Variants in NAGK observed in about 807,000 individuals in gnomAD.
NAGK encodes N-acetyl-D-glucosamine kinase.
NAGK carries 35 observed loss-of-function variants against 42.9 expected under a neutral mutation model. The ratio of observed to expected loss-of-function variants is 0.82; its 90% CI spans 0.62 to 1.08. NAGK has a LOEUF of 1.08. Among genes scored for constraint, NAGK ranks in the 50% least tolerant of loss-of-function variants. The pLI is 0.00. For missense variants in NAGK, 446 were observed against 446.0 expected (o/e 1.00, Z 0.00); for synonymous variants, 172 against 176.0 (o/e 0.98, Z 0.18).
At chr2:71,068,568 A>G (rs1347759745), upstream of NAGK, 10 of 1,517,086 alleles carry the variant, frequency 6.6e-6, no homozygotes, top group Non-Finnish European at 8.8e-6. Flanking sequence ...ACAGGGAGTC[A>G]GCTGGCTGCG....
At position 71,071,764 on chromosome 2, in the gene NAGK, C is replaced by T. The variant is rs1284613059; in HGVS notation, c.292C>T (p.Leu98=). The T allele has an allele frequency of 6.2e-7, 1 of 1,614,196 alleles. No homozygotes were observed. The highest frequency in any genetic ancestry group is 1.1e-5 in the South Asian group (1 of 91,088). The change falls in exon 4 of 10, where the codon CTG becomes TTG. Residue 98 remains leucine (L), a synonymous_variant. Transcript: ENST00000244204. ...GGAGCTGAGGGACCGATTTCCCTAC[C>T]TGAGTGAAAGCTACTTAATCACCAC... ...IEELRDRFPY[L]SESYLITTDA... is the part of the protein sequence containing the mutation.
In NAGK at chr2:71,077,591, CT is replaced by C; in HGVS notation, c.800del (p.Leu267ArgfsTer13). The C allele has an allele frequency of 6.2e-7, 1 of 1,609,716 alleles. No individual in the cohort carries two copies. Among genetic ancestry groups the C allele is most frequent in the Non-Finnish European group, 8.5e-7 (1 of 1,178,080 alleles). ...CCAGGGCAAGATTGGACTCCCCATC[CT>C]GTGCGTGGGCTCTGTGTGGAAGAGC... ...LFQGKIGLPI[L>X]CVGSVWKSWE... On this transcript the variant is annotated frameshift_variant, in exon 9 of 10. Coordinates refer to ENST00000244204, the MANE Select transcript of NAGK (RefSeq NM_017567.6). LOFTEE classifies it high-confidence loss of function.
upstream of NAGK, chr2:71,068,380 C>G (rs1050485873): frequency 1.1e-5 from 12 of 1,049,598 alleles, no homozygotes; most frequent in Admixed American, 3.9e-5. Flanking sequence ...AGATACCCCT[C>G]TTTGATTCCT....
Position 71,073,591 on chromosome 2 carries a change from C to G in NAGK, c.576C>G (p.Phe192Leu), listed in dbSNP as rs141245714. Residue 192 changes from phenylalanine (F) to leucine (L), a missense_variant, in exon 6 of 10, where the codon TTC (phenylalanine) becomes TTG (leucine). Transcript: ENST00000244204. ...GYVKQAMFHY[F>L]QVPDRLGILT... is the part of the protein sequence containing the mutation. Reference sequence around the variant, plus strand: ...TCAAACAGGCCATGTTCCACTATTTCCAGGTACTCCTCCTGCTCCCAGTAA... The same window carrying G: ...TCAAACAGGCCATGTTCCACTATTTGCAGGTACTCCTCCTGCTCCCAGTAA... The G allele has an allele frequency of 6.2e-6, 10 of 1,609,274 alleles. No homozygotes were observed. The highest frequency in any genetic ancestry group is 1.1e-5 in the South Asian group (1 of 90,968).
At chr2:71,072,946 C>T (rs1409396734) in intron 5 of NAGK, 195 bp downstream of exon 5, 3 of 644,910 alleles carry the variant, frequency 4.7e-6, no homozygotes. Flanking sequence ...TGACCCTGCT[C>T]TCCAGCAGTG....
intron 1 of NAGK, chr2:71,069,083 G>T: frequency 9.7e-7 from 1 of 1,030,642 alleles, no homozygotes; most frequent in Non-Finnish European, 1.2e-6. Context: ...CTGAGCGCGG[G>T]CAGGGTGGGG....
At chr2:71,068,493 A>T (rs1671863076), upstream of NAGK, 1 of 1,419,106 alleles carries the variant, frequency 7.0e-7, no homozygotes, top group African/African-American at 1.5e-5. Flanking sequence ...CAGAAGGAAG[A>T]CAGCCTGAGG....
Position 71,078,833 on chromosome 2 carries a change from T to C in NAGK, c.*325T>C, listed in dbSNP as rs1475791521. 3.1e-5 allele frequency: 8 copies of C among 260,938 alleles called. No homozygotes were observed. The Admixed American group carries it at 3.4e-4, about 11-fold the overall frequency. 16.2% of individuals were successfully genotyped at this position (260,938 alleles called of 1,614,324 possible). A position where few individuals can be genotyped will look rare whatever the true frequency, so the allele number is the denominator to read the frequency against. ...TCTGTGTGCTACCCTTCCCCCCATA[T>C]TACCATACATATGCACTGTGTGGCT... On this transcript the variant is annotated 3_prime_UTR_variant, in exon 10 of 10. Transcript: ENST00000244204.
Position 71,076,683 on chromosome 2 carries a change from G to A in NAGK, c.747G>A (p.Val249=). The A allele has an allele frequency of 6.2e-7, 1 of 1,613,840 alleles. No homozygotes were observed. Among genetic ancestry groups the A allele is most frequent in the Non-Finnish European group, 8.5e-7 (1 of 1,179,824 alleles). The change falls in exon 8 of 10, where the codon GTG becomes GTA. Residue 249 remains valine (V), a synonymous_variant. Transcript: ENST00000244204. ...GEMLGRHIVA[V]LPEIDPVLFQ... Reference sequence around the variant, plus strand: ...TGCTGGGCAGACACATCGTAGCAGTGTTGCCCGAGATTGACCCGGTGAGTT... The same window carrying A: ...TGCTGGGCAGACACATCGTAGCAGTATTGCCCGAGATTGACCCGGTGAGTT...
chr2:71,071,562 G>A (rs1169140347), intron 3 of NAGK, 124 bp from the exon 4 acceptor site: 1 of 1,327,770 alleles, frequency 7.5e-7, no homozygotes, highest in East Asian at 2.6e-5. Context: ...AGGAGGACTG[G>A]GGCTGGGTGA....
chr2:71,068,606 C>T, upstream of NAGK: 1 of 1,524,010 alleles, frequency 6.6e-7, no homozygotes, highest in African/African-American at 1.4e-5. Flanking sequence ...TGGGGCGGTG[C>T]CCAGACAGCT....
intron 4 of NAGK, chr2:71,072,300 T>G: frequency 3.2e-6 from 1 of 313,348 alleles, no homozygotes; most frequent in Non-Finnish European, 6.1e-6. Flanking sequence ...TGGTTTAGGG[T>G]ATGAGTGAAT....
At chr2:71,073,420 T>A in intron 5 of NAGK, 62 bp from the exon 6 acceptor site, 1 of 1,197,618 alleles carries the variant, frequency 8.3e-7, no homozygotes, top group Non-Finnish European at 1.2e-6. Context: ...GGATCTGAGT[T>A]TCCCTCCTCG....
rs575169200 is a variant in NAGK at position 71,068,854 on chromosome 2, G to T, written c.29+142G>T. ...TTGCGGTGAAGAGGTGTGTGCACGCGCAGGGGCGCCCTGGAGCGCACAGCT... is the reference window on the plus strand; with the variant it reads ...TTGCGGTGAAGAGGTGTGTGCACGCTCAGGGGCGCCCTGGAGCGCACAGCT... On this transcript the variant is annotated intron_variant, in intron 1 of 9. Transcript: ENST00000244204. 7.3e-6 allele frequency: 10 copies of T among 1,378,672 alleles called. No individual in the cohort carries two copies. In the East Asian group the frequency reaches 2.5e-4, roughly 34 times the overall value. 85.4% of individuals were successfully genotyped at this position (1,378,672 alleles called of 1,614,324 possible).
At chr2:71,077,943 C>T (rs879724847) in intron 9 of NAGK, among the ~76,000 whole-genome samples, 4 of 152,222 alleles carry the variant, frequency 2.6e-5, no homozygotes, top group Non-Finnish European at 5.9e-5. Flanking sequence ...CATGTGATAA[C>T]CTGGGGGACA....
Position 71,070,467 on chromosome 2 carries a change from C to G in NAGK, c.30-35C>G, listed in dbSNP as rs749219882. On this transcript the variant is annotated intron_variant, in intron 1 of 9. Coordinates refer to ENST00000244204, the MANE Select transcript of NAGK (RefSeq NM_017567.6). ...AGCTTAGCTCTCTCTGTGGGTTTTT[C>G]CGAGCAAGATCAAGTGCCCTCTTGT... is the stretch of plus-strand genomic sequence containing the variant. 1.9e-6 allele frequency: 3 copies of G among 1,582,874 alleles called. No homozygotes were observed. The East Asian group carries it at 6.7e-5, about 35-fold the overall frequency.
rs528147614 is a variant in NAGK, at chr2:71,069,101, G to T, written c.29+389G>T. 9.8e-6 allele frequency: 10 copies of T among 1,017,928 alleles called. No homozygotes were observed. In the South Asian group the frequency reaches 3.0e-4, roughly 31 times the overall value. The allele number at this position is 1,017,928 out of a possible 1,614,324, so 63.1% of individuals were successfully genotyped here. A position where few individuals can be genotyped will look rare whatever the true frequency, so the allele number is the denominator to read the frequency against. Reference sequence around the variant, plus strand: ...AGCGCGGGCAGGGTGGGGAGTGGGAGTGGGGAGAAGCGGGACAAAGATCTT... The same window carrying T: ...AGCGCGGGCAGGGTGGGGAGTGGGATTGGGGAGAAGCGGGACAAAGATCTT... On this transcript the variant is annotated intron_variant, in intron 1 of 9. Transcript: ENST00000244204.
In NAGK at chr2:71,078,402, C is replaced by T. The variant is rs1394240846; in HGVS notation, c.929C>T (p.Ser310Phe). The T allele has an allele frequency of 6.2e-7, 1 of 1,614,058 alleles. No individual in the cohort carries two copies. The highest frequency in any genetic ancestry group is 1.3e-5 in the African/African-American group (1 of 74,942). Residue 310 changes from serine to phenylalanine, a missense_variant, in exon 10 of 10, where the codon TCC (serine) becomes TTC (phenylalanine). Physicochemically the swap from Ser to Phe is radical, Grantham distance 155. Transcript: ENST00000244204. ...SSFTLMKLRH[S>F]SALGGASLGA... ...TTCACCCTGATGAAGCTGAGGCACT[C>T]CTCCGCTCTGGGTGGGGCCAGCCTA...
chr2:71,073,372 TAATTTGTATAA>T, intron 5 of NAGK, 99 bp from the exon 6 acceptor site: 1 of 388,316 alleles, frequency 2.6e-6, no homozygotes, highest in Non-Finnish European at 4.8e-6. Context: ...TCAGGAAACC[TAATTTGTATAA>T]AATTCAAGCA....
Sources: gnomAD v4.1 joint callset for allele counts (sites outside exome capture counted in the v4.1 genomes callset) on GRCh38, gnomAD v4.1.1 for gene constraint, MANE v1.5 for transcripts, NCBI Gene and HGNC (gene_info 2026-07-23, HGNC 2026-07-21) for gene names.